RORA: variants seen among roughly 807,000 people sequenced by gnomAD.
RORA encodes the protein RAR related orphan receptor A.
A neutral mutation model predicts 69.5 loss-of-function variants in RORA; 7 were observed. The ratio of observed to expected loss-of-function variants is 0.10; its 90% CI spans 0.06 to 0.19. The LOEUF is 0.19. RORA is among the 10% of genes least tolerant of loss of function. The pLI, the probability that RORA is intolerant of heterozygous loss-of-function variation, is 1.00. For synonymous variants in RORA, 261 were observed against 240.8 expected, an observed-to-expected ratio of 1.08 and a Z score of -0.78; for missense variants, 457 against 663.0, an observed-to-expected ratio of 0.69 and a Z score of 3.41.
chr15:61,224,329 A>T (rs1370252652), intron 1 of RORA, among the ~76,000 whole-genome samples: 1 of 152,084 alleles, frequency 6.6e-6, no homozygotes, highest in Non-Finnish European at 1.5e-5. Context: ...TTTCCTATAA[A>T]TTTTTTTATT....
intron 1 of RORA, among the ~76,000 whole-genome samples, chr15:61,130,086 G>A (rs937189139): frequency 1.3e-5 from 2 of 152,260 alleles, no homozygotes; most frequent in African/African-American, 4.8e-5. Flanking sequence ...AGGGAATGGA[G>A]AGAAGGAGAG....
chr15:60,727,877 C>T (rs1011077197), intron 1 of RORA, among the ~76,000 whole-genome samples: 7 of 152,166 alleles, frequency 4.6e-5, no homozygotes, highest in South Asian at 2.1e-4. Flanking sequence ...ACATTCACAG[C>T]GCTCTGAAGG....
intron 1 of RORA, among the ~76,000 whole-genome samples, chr15:60,895,331 A>C (rs978822745): frequency 4.6e-5 from 7 of 152,170 alleles, no homozygotes; most frequent in African/African-American, 1.4e-4. Context: ...CATATATTAA[A>C]AAAGAAAAAA....
chr15:61,072,791 C>G (rs1384981179), intron 1 of RORA, among the ~76,000 whole-genome samples: 1 of 152,248 alleles, frequency 6.6e-6, no homozygotes, highest in Non-Finnish European at 1.5e-5. Context: ...AAGAAGAACC[C>G]AAGGAATGCA....
Position 60,968,660 on chromosome 15 carries a change from C to T in RORA, c.166+260393G>A, listed in dbSNP as rs1031996808. Among the ~76,000 whole-genome samples, 9 of 144,850 alleles carry T rather than the reference C, an allele frequency of 6.2e-5. No homozygotes were observed. In the East Asian group the frequency reaches 1.8e-3, roughly 29 times the overall value. On this transcript the variant is annotated intron_variant, in intron 1 of 10. Coordinates refer to ENST00000335670, the MANE Select transcript of RORA (RefSeq NM_134261.3). Reference sequence around the variant, plus strand: ...ACTTACAGAAAGGTTGCAAGCACAACATAAATCTTTTTTTTTTTTTTATTA... The same window carrying T: ...ACTTACAGAAAGGTTGCAAGCACAATATAAATCTTTTTTTTTTTTTTATTA...
rs1041197797 is a variant in RORA at position 60,495,427 on chromosome 15, A to T, written c.*2028T>A. 1 of 152,210 alleles carries T rather than the reference A, an allele frequency of 6.6e-6. No homozygotes were observed. The highest frequency in any genetic ancestry group is 2.1e-4 in the South Asian group (1 of 4,824). The allele number at this position is 152,210 out of a possible 1,614,324, so 9.4% of individuals were successfully genotyped here. The stretch of plus-strand genomic sequence containing the variant: ...ACTCTTACTATGTTTTTGGAAAAAA[A>T]GTTGGATGTTATTTAGGCTTCATAC... On this transcript the variant is annotated 3_prime_UTR_variant, in exon 11 of 11. Coordinates refer to ENST00000335670, the MANE Select transcript of RORA (RefSeq NM_134261.3).
At chr15:61,129,286 G>C (rs1157945950) in intron 1 of RORA, among the ~76,000 whole-genome samples, 1 of 152,144 alleles carries the variant, frequency 6.6e-6, no homozygotes, top group Non-Finnish European at 1.5e-5. Context: ...AAAATACCTG[G>C]CGATTTAAAA....
At chr15:60,914,601 C>T (rs915383544) in intron 1 of RORA, among the ~76,000 whole-genome samples, 1 of 152,268 alleles carries the variant, frequency 6.6e-6, no homozygotes, top group East Asian at 1.9e-4. Context: ...TTTCATAGTC[C>T]AGCTGGCTTC....
chr15:60,907,386 G>A (rs1302869462), intron 1 of RORA, among the ~76,000 whole-genome samples: 1 of 152,212 alleles, frequency 6.6e-6, no homozygotes, highest in East Asian at 1.9e-4. Context: ...TGTAAGAGGA[G>A]TCAGGAGTCA....
At chr15:61,078,943 C>T (rs1006997664) in intron 1 of RORA, among the ~76,000 whole-genome samples, 1 of 152,202 alleles carries the variant, frequency 6.6e-6, no homozygotes, top group African/African-American at 2.4e-5. Flanking sequence ...CTTTAATCCT[C>T]ATTTAAGAAA....
At chr15:60,717,823 AT>A (rs1349361658) in intron 1 of RORA, among the ~76,000 whole-genome samples, 2 of 87,850 alleles carry the variant, frequency 2.3e-5, no homozygotes, top group Non-Finnish European at 4.3e-5. Flanking sequence ...TTTTTGAGAC[AT>A]TGTCTTGTTC....
At chr15:61,022,672 A>AC (rs1446636172) in intron 1 of RORA, among the ~76,000 whole-genome samples, 2 of 152,076 alleles carry the variant, frequency 1.3e-5, no homozygotes, top group African/African-American at 4.8e-5. Context: ...TAAAAATGTG[A>AC]CCCCCTAGAC....
intron 1 of RORA, among the ~76,000 whole-genome samples, 175 bp from the exon 2 acceptor site, chr15:60,678,861 C>G (rs1338239398): frequency 6.6e-6 from 1 of 152,126 alleles, no homozygotes. Context: ...GGCATGCAAC[C>G]GTGACTGATG....
intron 1 of RORA, among the ~76,000 whole-genome samples, chr15:60,711,486 G>C (rs2071143309): frequency 6.6e-6 from 1 of 152,146 alleles, no homozygotes; most frequent in South Asian, 2.1e-4. Context: ...TTCAGTAAGG[G>C]GTAATAAAAG....
chr15:60,695,463 T>G (rs767806801), intron 1 of RORA, among the ~76,000 whole-genome samples: 1 of 152,154 alleles, frequency 6.6e-6, no homozygotes, highest in African/African-American at 2.4e-5. Flanking sequence ...CTTGATTTTT[T>G]TTTTTCACTT....
At chr15:60,845,546 A>G (rs2073255030) in intron 1 of RORA, among the ~76,000 whole-genome samples, 1 of 152,154 alleles carries the variant, frequency 6.6e-6, no homozygotes. Context: ...ACAGGCTCTA[A>G]AACTTGCTAC....
intron 1 of RORA, among the ~76,000 whole-genome samples, chr15:61,107,698 G>A (rs555621168): frequency 3.3e-5 from 5 of 151,660 alleles, no homozygotes; most frequent in African/African-American, 9.7e-5. Context: ...ATTACCCTGT[G>A]GCTCTTTTGG....
At chr15:60,586,507 A>T (rs997077484) in intron 2 of RORA, among the ~76,000 whole-genome samples, 1 of 152,106 alleles carries the variant, frequency 6.6e-6, no homozygotes, top group African/African-American at 2.4e-5. Flanking sequence ...CTAGTCTTCA[A>T]ATGACTTACA....
intron 1 of RORA, among the ~76,000 whole-genome samples, chr15:60,998,394 ATTTC>A (rs1288649764): frequency 4.5e-5 from 5 of 112,068 alleles, no homozygotes; most frequent in Admixed American, 4.0e-4. Flanking sequence ...CACCATGTAT[ATTTC>A]TTTCTTTTTT....
Sources: allele counts gnomAD v4.1 joint callset (sites outside exome capture counted in the v4.1 genomes callset), GRCh38; gene constraint gnomAD v4.1.1; transcripts MANE v1.5; gene names NCBI Gene and HGNC (gene_info 2026-07-23, HGNC 2026-07-21).